Variants in CKAP4 observed in about 807,000 individuals in gnomAD.
CKAP4 encodes cytoskeleton-associated protein 4.
In CKAP4, 20 loss-of-function variants were observed where a neutral mutation model predicts 24.4. The ratio of observed to expected loss-of-function variants is 0.82; its 90% CI spans 0.58 to 1.19. The LOEUF is 1.19. Ranked by LOEUF, CKAP4 falls within the 50% of genes most tolerant of loss-of-function variation. The pLI, the probability that CKAP4 is intolerant of heterozygous loss-of-function variation, is 0.00. For missense variants in CKAP4, 744 were observed against 765.3 expected, an observed-to-expected ratio of 0.97 and a Z score of 0.33; for synonymous variants, 378 against 351.7, an observed-to-expected ratio of 1.07 and a Z score of -0.84.
rs2034021469 is a variant in CKAP4, at chr12:106,247,357, G to A, written c.483+12C>T. ...AGTCGATGGGGACAGTTGCGGGGCC[G>A]GGGGTACCCACCTTCTGCTCGACGC... On this transcript the variant is annotated intron_variant, in intron 1 of 1. Transcript: ENST00000378026. This position sits in a 1 kb window ranked among gnomAD's most constrained non-coding sequence, Gnocchi z 4.5. The A allele has an allele frequency of 6.6e-7, 1 of 1,517,810 alleles. No individual in the cohort carries two copies. Among genetic ancestry groups the A allele is most frequent in the Admixed American group, 2.0e-5 (1 of 50,190 alleles). The allele number at this position is 1,517,810 out of a possible 1,614,324, so 94.0% of individuals were successfully genotyped here.
At chr12:106,242,432 C>T (rs1487082399) in intron 1 of CKAP4, among the ~76,000 whole-genome samples, 1 of 152,208 alleles carries the variant, frequency 6.6e-6, no homozygotes, top group African/African-American at 2.4e-5. Flanking sequence ...CACCAGTAGC[C>T]AGCTCTGTAA....
chr12:106,246,075 C>T (rs904429002), intron 1 of CKAP4, among the ~76,000 whole-genome samples: 2 of 152,106 alleles, frequency 1.3e-5, no homozygotes, highest in Non-Finnish European at 1.5e-5. Flanking sequence ...TAGTGGAGGG[C>T]GAATAAGATC....
At position 106,239,523 on chromosome 12, in the gene CKAP4, A is replaced by G; in HGVS notation, c.1310T>C (p.Leu437Pro). ...CTCGTGCTCCTGGCTCTTGGACAGG[A>G]GGGACTCCAGGCTCTCGGTCTGGCG... is the stretch of plus-strand genomic sequence containing the variant. ...SARQTESLES[L>P]LSKSQEHEQR... The change falls in exon 2 of 2, where the codon CTC becomes CCC. Residue 437 changes from leucine to proline, a missense_variant. Leu to Pro is a moderately conservative substitution (Grantham distance 98, BLOSUM62 -3). Coordinates refer to ENST00000378026, the MANE Select transcript of CKAP4 (RefSeq NM_006825.4). The surrounding 1 kb of genome is among the most constrained non-coding windows in gnomAD (Gnocchi z 4.9). 6.2e-7 allele frequency: 1 copy of G among 1,609,800 alleles called. No homozygotes were observed. Among genetic ancestry groups the G allele is most frequent in the Non-Finnish European group, 8.5e-7 (1 of 1,179,070 alleles).
In CKAP4 at chr12:106,247,225, G is replaced by C. The variant is rs1443928233; in HGVS notation, c.483+144C>G. 1.5e-6 allele frequency: 1 copy of C among 654,352 alleles called. No individual in the cohort carries two copies. Among genetic ancestry groups the C allele is most frequent in the Non-Finnish European group, 2.4e-6 (1 of 409,756 alleles). The allele number at this position is 654,352 out of a possible 1,614,324, so 40.5% of individuals were successfully genotyped here. On this transcript the variant is annotated intron_variant, in intron 1 of 1. Transcript: ENST00000378026. The surrounding 1 kb of genome is among the most constrained non-coding windows in gnomAD (Gnocchi z 4.5). ...CGCGTGGAGTGGGATGTCTAGGCCAGGGCCCGCCAAGGAGGAGCGGCCGGC... is the reference window on the plus strand; with the variant it reads ...CGCGTGGAGTGGGATGTCTAGGCCACGGCCCGCCAAGGAGGAGCGGCCGGC...
Position 106,247,807 on chromosome 12 carries a change from G to C in CKAP4, c.45C>G (p.Ala15=). ...KQRGSKGGHG[A]ASPSEKGAHP... ...GGGCACCCTTCTCCGAGGGGCTCGC[G>C]GCGCCGTGGCCGCCCTTGGAGCCCC... The change falls in exon 1 of 2, where the codon GCC becomes GCG. Residue 15 remains alanine, a synonymous_variant. Transcript: ENST00000378026. This position sits in a 1 kb window ranked among gnomAD's most constrained non-coding sequence, Gnocchi z 4.5. The C allele has an allele frequency of 9.5e-7, 1 of 1,051,220 alleles. No individual in the cohort carries two copies. Among genetic ancestry groups the C allele is most frequent in the African/African-American group, 1.7e-5 (1 of 58,226 alleles). The allele number at this position is 1,051,220 out of a possible 1,614,324, so 65.1% of individuals were successfully genotyped here. A position where few individuals can be genotyped will look rare whatever the true frequency, so the allele number is the denominator to read the frequency against.
At chr12:106,245,218 C>T (rs1467438259) in intron 1 of CKAP4, among the ~76,000 whole-genome samples, 2 of 152,132 alleles carry the variant, frequency 1.3e-5, no homozygotes, top group Non-Finnish European at 2.9e-5. Context: ...CTACCCTGGC[C>T]ACCGGGATAC....
chr12:106,247,723 CG>C lies in CKAP4; in HGVS notation c.128del (p.Pro43ArgfsTer134). 9.6e-7 allele frequency: 1 copy of C among 1,043,590 alleles called. No homozygotes were observed. Among genetic ancestry groups the C allele is most frequent in the Non-Finnish European group, 1.1e-6 (1 of 873,762 alleles). The allele number at this position is 1,043,590 out of a possible 1,614,324, so 64.6% of individuals were successfully genotyped here. Reference sequence around the variant, plus strand: ...GCGGGTGCGGCGCGGGCGGCGGCGGCGGCTGCTGCGGCGCCGGCGGCGGCTT... The same window carrying C: ...GCGGGTGCGGCGCGGGCGGCGGCGGCGCTGCTGCGGCGCCGGCGGCGGCTT... ...AKKPPPAPQQ[P>X]PPPPAPHPQQ... is the part of the protein sequence containing the mutation. On this transcript the variant is annotated frameshift_variant, in exon 1 of 2. Transcript: ENST00000378026. This position sits in a 1 kb window ranked among gnomAD's most constrained non-coding sequence, Gnocchi z 4.5.
chr12:106,247,523 A>G lies in CKAP4; in HGVS notation c.329T>C (p.Phe110Ser). 6.5e-7 allele frequency: 1 copy of G among 1,532,476 alleles called. No homozygotes were observed. The highest frequency in any genetic ancestry group is 8.7e-7 in the Non-Finnish European group (1 of 1,143,332). The allele number at this position is 1,532,476 out of a possible 1,614,324, so 94.9% of individuals were successfully genotyped here. The change falls in exon 1 of 2, where the codon TTT becomes TCT. Residue 110 changes from phenylalanine to serine, a missense_variant. This residue lies in a region of CKAP4 where 300 missense variants were observed against 264.5 expected (regional missense o/e 1.13). Coordinates refer to ENST00000378026, the MANE Select transcript of CKAP4 (RefSeq NM_006825.4). This position sits in a 1 kb window ranked among gnomAD's most constrained non-coding sequence, Gnocchi z 4.5. Reference protein sequence around the residue: ...CSRRLGRALNFLFYLALVAAA... With the variant: ...CSRRLGRALNSLFYLALVAAA... ...CGCCACCAGGGCGAGGTAGAAGAGA[A>G]AGTTGAGCGCCCTGCCGAGCCTGCG...
chr12:106,244,809 A>G (rs1164262780), intron 1 of CKAP4, among the ~76,000 whole-genome samples: 1 of 152,170 alleles, frequency 6.6e-6, no homozygotes, highest in Admixed American at 6.5e-5. Context: ...AAAATATGAA[A>G]TAAAAAACAG....
At chr12:106,241,268 G>C (rs1338953310) in intron 1 of CKAP4, among the ~76,000 whole-genome samples, 2 of 151,380 alleles carry the variant, frequency 1.3e-5, no homozygotes, top group Non-Finnish European at 2.9e-5. Flanking sequence ...GGAAAGGAAC[G>C]CTTATCAGTT....
chr12:106,247,227 G>T lies in CKAP4; in HGVS notation c.483+142C>A. ...CGTGGAGTGGGATGTCTAGGCCAGGGCCCGCCAAGGAGGAGCGGCCGGCTC... is the reference window on the plus strand; with the variant it reads ...CGTGGAGTGGGATGTCTAGGCCAGGTCCCGCCAAGGAGGAGCGGCCGGCTC... On this transcript the variant is annotated intron_variant, in intron 1 of 1. Coordinates refer to ENST00000378026, the MANE Select transcript of CKAP4 (RefSeq NM_006825.4). This position sits in a 1 kb window ranked among gnomAD's most constrained non-coding sequence, Gnocchi z 4.5. 1 of 661,528 alleles carries T rather than the reference G, an allele frequency of 1.5e-6. No individual in the cohort carries two copies. The highest frequency in any genetic ancestry group is 2.4e-6 in the Non-Finnish European group (1 of 416,422). The allele number at this position is 661,528 out of a possible 1,614,324, so 41.0% of individuals were successfully genotyped here. A position where few individuals can be genotyped will look rare whatever the true frequency, so the allele number is the denominator to read the frequency against.
chr12:106,246,397 G>C (rs2034010047), intron 1 of CKAP4, among the ~76,000 whole-genome samples: 1 of 152,200 alleles, frequency 6.6e-6, no homozygotes, highest in South Asian at 2.1e-4. Flanking sequence ...AATGTGGCTA[G>C]AAGTATTATT....
chr12:106,245,828 CA>C (rs1361261885), intron 1 of CKAP4: 1 of 152,314 alleles, frequency 6.6e-6, no homozygotes, highest in African/African-American at 2.4e-5. Context: ...CTTCTGACCT[CA>C]GGTGATCCGC....
At chr12:106,242,679 C>G (rs1215807) in intron 1 of CKAP4, among the ~76,000 whole-genome samples, 99,884 of 152,166 alleles carry the variant, frequency 0.66, 33,692 homozygotes, top group African/African-American at 0.82. Context: ...TTAAATCACA[C>G]TGTCTGCCTG....
In CKAP4 at chr12:106,240,136, G is replaced by A. The variant is rs766972254; in HGVS notation, c.697C>T (p.Leu233=). The A allele has an allele frequency of 6.8e-6, 11 of 1,614,198 alleles. No homozygotes were observed. In the East Asian group the frequency reaches 1.8e-4, roughly 26 times the overall value. ...KDARERDFTS[L]ENTVEERLTE... ...AGCCGCTCCTCCACCGTGTTCTCCAGGGACGTGAAGTCCCGCTCCCGGGCG... is the reference window on the plus strand; with the variant it reads ...AGCCGCTCCTCCACCGTGTTCTCCAAGGACGTGAAGTCCCGCTCCCGGGCG... Residue 233 remains leucine, a synonymous_variant, in exon 2 of 2, where the codon CTG becomes TTG. Transcript: ENST00000378026.
chr12:106,240,857 G>GA (rs1259825957), intron 1 of CKAP4, among the ~76,000 whole-genome samples: 2 of 152,128 alleles, frequency 1.3e-5, no homozygotes, highest in East Asian at 3.9e-4. Flanking sequence ...GGAAAAGCAG[G>GA]AAACTTACAG....
chr12:106,240,497 G>A (rs2033960770), intron 1 of CKAP4, 148 bp from the exon 2 acceptor site: 3 of 895,850 alleles, frequency 3.3e-6, no homozygotes, highest in Non-Finnish European at 5.0e-6. Flanking sequence ...TCCACATATA[G>A]TCCATATGGT....
chr12:106,239,733 G>A lies in CKAP4; in HGVS notation c.1100C>T (p.Pro367Leu), dbSNP rs781435735. 23 of 1,613,906 alleles carry A rather than the reference G, an allele frequency of 1.4e-5. No homozygotes were observed. The highest frequency in any genetic ancestry group is 2.2e-5 in the East Asian group (1 of 44,864). The change falls in exon 2 of 2, where the codon CCG becomes CTG. Residue 367 changes from proline (P) to leucine (L), a missense_variant. Physicochemically the swap from Pro to Leu is moderately conservative, Grantham distance 98. Coordinates refer to ENST00000378026, the MANE Select transcript of CKAP4 (RefSeq NM_006825.4). This position sits in a 1 kb window ranked among gnomAD's most constrained non-coding sequence, Gnocchi z 4.9. Reference protein sequence around the residue: ...LRSEESVSRLPEEIRRLEEEL... With the variant: ...LRSEESVSRLLEEIRRLEEEL... ...TTCCTCCAGTCTCCGGATCTCCTCC[G>A]GGAGGCGGGAGACGGACTCCTCAGA...
Position 106,239,357 on chromosome 12 carries a change from A to T in CKAP4, c.1476T>A (p.Ser492Arg). 6.2e-7 allele frequency: 1 copy of T among 1,603,960 alleles called. No homozygotes were observed. Among genetic ancestry groups the T allele is most frequent in the African/African-American group, 1.3e-5 (1 of 74,782 alleles). The change falls in exon 2 of 2, where the codon AGT (serine) becomes AGA (arginine). Residue 492 changes from serine (S) to arginine (R), a missense_variant. Ser to Arg is a moderately radical substitution (Grantham distance 110). Coordinates refer to ENST00000378026, the MANE Select transcript of CKAP4 (RefSeq NM_006825.4). This position sits in a 1 kb window ranked among gnomAD's most constrained non-coding sequence, Gnocchi z 4.9. ...LYGDVEELKRSVGELPSTVES... is the reference protein window; with the variant it reads ...LYGDVEELKRRVGELPSTVES... ...CCACGGTGCTGGGGAGCTCGCCCAC[A>T]CTCCTCTTCAGCTCCTCCACGTCAC...
Sources: gnomAD v4.1 joint callset for allele counts (sites outside exome capture counted in the v4.1 genomes callset) on GRCh38, gnomAD v4.1.1 for gene constraint, gnomAD v4.1.1 regional missense constraint, Gnocchi (gnomAD v3.1) non-coding constraint, MANE v1.5 for transcripts, NCBI Gene and HGNC (gene_info 2026-07-23, HGNC 2026-07-21) for gene names.